Variants in HIKESHI observed in about 807,000 individuals in gnomAD.
The protein encoded by HIKESHI is protein Hikeshi.
HIKESHI carries 13 observed loss-of-function variants against 25.7 expected under a neutral mutation model. That is an observed-to-expected ratio of 0.51 (90% confidence interval 0.33 to 0.80). The LOEUF (loss-of-function observed/expected upper bound fraction) is 0.80. HIKESHI is among the 30% of genes least tolerant of loss of function. The probability of loss-of-function intolerance (pLI) is 0.02; values close to 1 mark genes in which losing one functional copy is unlikely to be tolerated. For synonymous variants in HIKESHI, 76 were observed against 78.7 expected, an observed-to-expected ratio of 0.97 and a Z score of 0.18; for missense variants, 174 against 229.5, an observed-to-expected ratio of 0.76 and a Z score of 1.56.
chr11:86,318,283 G>A (rs1381060543), intron 2 of HIKESHI, among the ~76,000 whole-genome samples: 4 of 47,252 alleles, frequency 8.5e-5, no homozygotes, highest in East Asian at 6.7e-4. Context: ...CATCCTGGGC[G>A]ACAGAGCAAG....
chr11:86,317,200 A>C (rs963583100), intron 2 of HIKESHI, among the ~76,000 whole-genome samples: 10 of 152,128 alleles, frequency 6.6e-5, no homozygotes, highest in Non-Finnish European at 1.5e-5. Context: ...ATCAAGGATA[A>C]AGAGATTCAC....
At chr11:86,317,547 A>G (rs1034027212) in intron 2 of HIKESHI, among the ~76,000 whole-genome samples, 1 of 152,148 alleles carries the variant, frequency 6.6e-6, no homozygotes, top group East Asian at 1.9e-4. Context: ...GCTCATGCCT[A>G]TAATCCCATT....
intron 3 of HIKESHI, among the ~76,000 whole-genome samples, chr11:86,339,318 G>A (rs927344564): frequency 2.0e-4 from 30 of 152,146 alleles, no homozygotes; most frequent in African/African-American, 5.8e-4. Flanking sequence ...AAAGTGCTGG[G>A]ATTTCAGGCG....
intron 2 of HIKESHI, among the ~76,000 whole-genome samples, chr11:86,331,277 A>T (rs2646732): frequency 0.72 from 109,820 of 152,084 alleles, 40,219 homozygotes; most frequent in African/African-American, 0.84. Context: ...ATCTTTGAGA[A>T]CAGGAGTTCG....
intron 2 of HIKESHI, among the ~76,000 whole-genome samples, chr11:86,327,032 C>T (rs921288464): frequency 2.0e-5 from 3 of 151,952 alleles, no homozygotes; most frequent in African/African-American, 7.3e-5. Context: ...TTGAGACTGG[C>T]GTGGGTCAAC....
At chr11:86,337,349 A>G (rs769962155) in intron 2 of HIKESHI, 30 bp from the exon 3 acceptor site, 1 of 1,593,266 alleles carries the variant, frequency 6.3e-7, no homozygotes, top group Non-Finnish European at 8.5e-7. Context: ...GTTTAATTTG[A>G]AATGTGTGTC....
At chr11:86,326,186 T>C (rs946977559) in intron 2 of HIKESHI, among the ~76,000 whole-genome samples, 1 of 152,166 alleles carries the variant, frequency 6.6e-6, no homozygotes, top group Non-Finnish European at 1.5e-5. Flanking sequence ...TAATCCCAGC[T>C]ACTCTTGAGG....
chr11:86,308,327 CAT>C (rs1267446379), intron 2 of HIKESHI, among the ~76,000 whole-genome samples: 1 of 64,466 alleles, frequency 1.6e-5, no homozygotes, highest in Non-Finnish European at 2.7e-5. Context: ...ATATATATTA[CAT>C]ATAAAATATA....
intron 3 of HIKESHI, chr11:86,343,678 A>G (rs550107949): frequency 2.0e-5 from 3 of 152,292 alleles, no homozygotes; most frequent in African/African-American, 7.2e-5. Flanking sequence ...TGAACTTTTG[A>G]TATTAATCAG....
At chr11:86,302,531 G>A in intron 1 of HIKESHI, 53 bp downstream of exon 1, 1 of 1,537,240 alleles carries the variant, frequency 6.5e-7, no homozygotes, top group South Asian at 1.2e-5. Context: ...CGAGGGCGAA[G>A]CCCTACGGCA....
intron 2 of HIKESHI, among the ~76,000 whole-genome samples, chr11:86,325,613 C>T (rs1947259185): frequency 6.6e-6 from 1 of 151,914 alleles, no homozygotes; most frequent in Admixed American, 6.6e-5. Context: ...GTGGCTCACA[C>T]CTGTAATCCC....
chr11:86,335,831 A>G (rs907625759), intron 2 of HIKESHI, among the ~76,000 whole-genome samples: 9 of 152,230 alleles, frequency 5.9e-5, no homozygotes, highest in Middle Eastern at 3.2e-3. Flanking sequence ...TCTGATTTAT[A>G]GCGTCGTCAC....
intron 2 of HIKESHI, among the ~76,000 whole-genome samples, chr11:86,311,649 G>A (rs1034466374): frequency 8.5e-5 from 13 of 152,094 alleles, no homozygotes; most frequent in South Asian, 2.1e-4. Context: ...TAATTGTGAC[G>A]TTAGGGTGTC....
chr11:86,326,359 A>G (rs1947283275), intron 2 of HIKESHI, among the ~76,000 whole-genome samples: 1 of 152,158 alleles, frequency 6.6e-6, no homozygotes, highest in Non-Finnish European at 1.5e-5. Context: ...GTACTATAAT[A>G]TGTGTGGCTA....
At chr11:86,336,274 T>C (rs1947557307) in intron 2 of HIKESHI, among the ~76,000 whole-genome samples, 1 of 152,166 alleles carries the variant, frequency 6.6e-6, no homozygotes, top group South Asian at 2.1e-4. Flanking sequence ...GAGAGTAACA[T>C]ATGGAAAGGC....
chr11:86,327,320 T>A (rs1770606652), intron 2 of HIKESHI, among the ~76,000 whole-genome samples: 1 of 152,018 alleles, frequency 6.6e-6, no homozygotes, highest in South Asian at 2.1e-4. Flanking sequence ...TTTCCTTTTT[T>A]TTTTTCTTTT....
chr11:86,331,767 T>G (rs987517691), intron 2 of HIKESHI, among the ~76,000 whole-genome samples: 6 of 152,104 alleles, frequency 3.9e-5, no homozygotes, highest in African/African-American at 1.4e-4. Flanking sequence ...AGAATATACA[T>G]TAGTGAAAAT....
chr11:86,320,621 G>A (rs1409069850), intron 2 of HIKESHI, among the ~76,000 whole-genome samples: 1 of 152,128 alleles, frequency 6.6e-6, no homozygotes, highest in African/African-American at 2.4e-5. Flanking sequence ...ACAGATTGTG[G>A]TAGCTTTATT....
chr11:86,313,235 TTTTA>T (rs1220285013), intron 2 of HIKESHI, among the ~76,000 whole-genome samples: 2 of 152,188 alleles, frequency 1.3e-5, no homozygotes, highest in African/African-American at 2.4e-5. Context: ...TTTTTAATTA[TTTTA>T]TTTATTTTTG....
Sources: allele counts gnomAD v4.1 joint callset (sites outside exome capture counted in the v4.1 genomes callset), GRCh38; gene constraint gnomAD v4.1.1; transcripts MANE v1.5; gene names NCBI Gene and HGNC (gene_info 2026-07-23, HGNC 2026-07-21).